Variants in CPVL observed in about 807,000 individuals in gnomAD.
CPVL encodes carboxypeptidase vitellogenic like, also known as probable serine carboxypeptidase CPVL.
Under a neutral mutation model 63.7 loss-of-function variants are expected in CPVL, and 51 were observed. The observed-to-expected ratio is 0.80, with a 90% CI of 0.64 to 1.01. The LOEUF is 1.01. CPVL is among the 50% of genes least tolerant of loss of function. The pLI, the probability that CPVL is intolerant of heterozygous loss-of-function variation, is 0.00. For synonymous variants in CPVL, 195 were observed against 206.0 expected (o/e 0.95, Z 0.46); for missense variants, 530 against 573.1 (o/e 0.92, Z 0.77).
intron 11 of CPVL, among the ~76,000 whole-genome samples, chr7:29,046,563 G>A (rs59247841): frequency 0.15 from 14,073 of 92,276 alleles, 1,945 homozygotes; most frequent in African/African-American, 0.42. Flanking sequence ...GCACGTGCGC[G>A]CGTGCACACA....
chr7:29,186,991 A>C (rs775991661), intron 1 of CPVL, among the ~76,000 whole-genome samples: 4 of 152,246 alleles, frequency 2.6e-5, no homozygotes, highest in Non-Finnish European at 5.9e-5. Flanking sequence ...AAATGAGGAT[A>C]ACAATTCTCA....
chr7:28,995,616 A>C lies in CPVL; in HGVS notation c.*156T>G. The C allele has an allele frequency of 1.6e-6, 1 of 612,130 alleles. No homozygotes were observed. Among genetic ancestry groups the C allele is most frequent in the Non-Finnish European group, 2.8e-6 (1 of 353,364 alleles). The allele number at this position is 612,130 out of a possible 1,614,324, so 37.9% of individuals were successfully genotyped here. A position where few individuals can be genotyped will look rare whatever the true frequency, so the allele number is the denominator to read the frequency against. On this transcript the variant is annotated 3_prime_UTR_variant, in exon 13 of 13. Transcript: ENST00000265394. Reference sequence around the variant, plus strand: ...ATTTTGTAGTAAACATCTCCCCCCAAAAACAAAAGCTCACTTGTTTCAAGG... The same window carrying C: ...ATTTTGTAGTAAACATCTCCCCCCACAAACAAAAGCTCACTTGTTTCAAGG...
chr7:29,033,773 C>G (rs1303927852), intron 11 of CPVL, among the ~76,000 whole-genome samples: 3 of 152,226 alleles, frequency 2.0e-5, no homozygotes, highest in African/African-American at 7.2e-5. Context: ...CATTTCCTCA[C>G]TTTCCTTTCT....
At chr7:29,084,749 A>G (rs1280779647) in intron 7 of CPVL, among the ~76,000 whole-genome samples, 1 of 152,238 alleles carries the variant, frequency 6.6e-6, no homozygotes, top group Admixed American at 6.5e-5. Flanking sequence ...TCCCTTAAAA[A>G]ATAGAATTCT....
At position 29,078,910 on chromosome 7, in the gene CPVL, T is replaced by C. The variant is rs543754053; in HGVS notation, c.610-6487A>G. ...CCATTTTCAATTCAAAAAGAAAATA[T>C]TGGCAAGTGCAGATGAACATAACTG... On this transcript the variant is annotated intron_variant, in intron 7 of 12. Transcript: ENST00000265394. Among the ~76,000 whole-genome samples, 137 of 152,202 alleles carry C rather than the reference T, an allele frequency of 9.0e-4. 1 individual carries two copies. The highest frequency in any genetic ancestry group is 1.8e-3 in the Non-Finnish European group (122 of 68,038).
At chr7:29,069,493 G>C (rs1783510499) in intron 9 of CPVL, among the ~76,000 whole-genome samples, 1 of 151,782 alleles carries the variant, frequency 6.6e-6, no homozygotes, top group African/African-American at 2.4e-5. Flanking sequence ...AAATAACATG[G>C]GTGGTCAAGA....
intron 2 of CPVL, among the ~76,000 whole-genome samples, chr7:29,116,994 T>C (rs1788839004): frequency 6.6e-6 from 1 of 152,156 alleles, no homozygotes; most frequent in Non-Finnish European, 1.5e-5. Context: ...TGACCATCTG[T>C]CCAGAGCTTC....
chr7:29,029,604 A>C (rs1787822867), intron 12 of CPVL, among the ~76,000 whole-genome samples: 1 of 152,166 alleles, frequency 6.6e-6, no homozygotes, highest in Non-Finnish European at 1.5e-5. Context: ...GTAAAAAGTT[A>C]ATTTCATGGA....
chr7:29,161,583 C>T (rs983003506), intron 5 of CPVL, among the ~76,000 whole-genome samples: 4 of 152,158 alleles, frequency 2.6e-5, no homozygotes, highest in African/African-American at 9.7e-5. Context: ...AACCAAATTC[C>T]ATGTATTCTC....
intron 1 of CPVL, among the ~76,000 whole-genome samples, chr7:29,186,941 A>G (rs542087144): frequency 2.3e-4 from 35 of 152,286 alleles, no homozygotes; most frequent in African/African-American, 7.0e-4. Context: ...TTTAATTAAG[A>G]TATTATATAA....
chr7:29,107,433 G>A (rs1787828518), intron 3 of CPVL, among the ~76,000 whole-genome samples: 2 of 152,188 alleles, frequency 1.3e-5, no homozygotes, highest in African/African-American at 4.8e-5. Context: ...TGCTGGGATG[G>A]AGCCTTAGCA....
At chr7:28,997,002 T>C (rs1424056246) in intron 12 of CPVL, among the ~76,000 whole-genome samples, 1 of 152,232 alleles carries the variant, frequency 6.6e-6, no homozygotes, top group Non-Finnish European at 1.5e-5. Flanking sequence ...TGTTGGGTGA[T>C]ATAAAGCATT....
chr7:29,067,167 G>A (rs1783216739), intron 9 of CPVL, among the ~76,000 whole-genome samples: 1 of 152,164 alleles, frequency 6.6e-6, no homozygotes, highest in South Asian at 2.1e-4. Context: ...TTTAGGGTAT[G>A]AGAATCAGCA....
At chr7:29,162,399 C>T (rs769090549) in intron 5 of CPVL, among the ~76,000 whole-genome samples, 5 of 152,178 alleles carry the variant, frequency 3.3e-5, no homozygotes, top group Admixed American at 2.6e-4. Context: ...TGGTGGCTCA[C>T]ACCTGTAATC....
chr7:29,055,536 CCACCGTG>C (rs985690570), intron 11 of CPVL, among the ~76,000 whole-genome samples: 1 of 152,156 alleles, frequency 6.6e-6, no homozygotes, highest in Non-Finnish European at 1.5e-5. Flanking sequence ...CAGGCATGAG[CCACCGTG>C]CCCGGCCCTA....
intron 12 of CPVL, chr7:29,009,187 T>TAAAAAAAAAAA (rs3042205): frequency 9.5e-6 from 1 of 105,220 alleles, no homozygotes. Flanking sequence ...TTGATGGCAT[T>TAAAAAAAAAAA]AAAAAAAAAA....
intron 11 of CPVL, among the ~76,000 whole-genome samples, chr7:29,058,196 T>C (rs1790931592): frequency 6.6e-6 from 1 of 152,204 alleles, no homozygotes; most frequent in South Asian, 2.1e-4. Flanking sequence ...TGATGTCTTT[T>C]ATCAGAGTTT....
At chr7:29,150,000 G>A (rs373063971), upstream of CPVL, among the ~76,000 whole-genome samples, 6 of 152,326 alleles carry the variant, frequency 3.9e-5, no homozygotes, top group South Asian at 2.1e-4. Flanking sequence ...CCCTTCTCTT[G>A]TATTGAGAAT....
chr7:29,162,375 A>G (rs1248402401), intron 5 of CPVL, among the ~76,000 whole-genome samples: 5 of 152,198 alleles, frequency 3.3e-5, no homozygotes, highest in Non-Finnish European at 5.9e-5. Flanking sequence ...TAAGAACATT[A>G]TGATGGCCAG....
Sources: allele counts gnomAD v4.1 joint callset (sites outside exome capture counted in the v4.1 genomes callset), GRCh38; gene constraint gnomAD v4.1.1; transcripts MANE v1.5; gene names NCBI Gene and HGNC (gene_info 2026-07-23, HGNC 2026-07-21).